The following ANKS1B variants were observed in gnomAD, a reference collection of about 807,000 sequenced individuals.
ANKS1B encodes ankyrin repeat and sterile alpha motif domain containing 1B.
ANKS1B carries 36 observed loss-of-function variants against 148.3 expected under a neutral mutation model. The ratio of observed to expected loss-of-function variants is 0.24; its 90% CI spans 0.19 to 0.32. ANKS1B has a LOEUF of 0.32. Among genes scored for constraint, ANKS1B ranks in the 10% least tolerant of loss-of-function variants. The probability of loss-of-function intolerance (pLI) is 1.00; values close to 1 mark genes in which losing one functional copy is unlikely to be tolerated. For synonymous variants in ANKS1B, 542 were observed against 560.8 expected (o/e 0.97, Z 0.47); for missense variants, 1,157 against 1,542.6 (o/e 0.75, Z 4.19).
intron 12 of ANKS1B, among the ~76,000 whole-genome samples, chr12:99,333,096 A>G (rs1258952531): frequency 6.6e-6 from 1 of 152,088 alleles, no homozygotes; most frequent in Non-Finnish European, 1.5e-5. Flanking sequence ...TGATTAGCCA[A>G]TTTGGCTGAA....
At chr12:98,804,486 C>T (rs1476688048) in intron 20 of ANKS1B, among the ~76,000 whole-genome samples, 1 of 148,176 alleles carries the variant, frequency 6.7e-6, no homozygotes, top group Non-Finnish European at 1.5e-5. Context: ...GTTAATTCTT[C>T]TTTTTGGAAT....
At chr12:99,063,482 C>T (rs985422791) in intron 16 of ANKS1B, among the ~76,000 whole-genome samples, 2 of 152,150 alleles carry the variant, frequency 1.3e-5, no homozygotes, top group African/African-American at 2.4e-5. Flanking sequence ...ATCAGTGGCT[C>T]TTAAAAGGCT....
intron 8 of ANKS1B, among the ~76,000 whole-genome samples, chr12:99,712,150 T>G (rs1276704557): frequency 1.3e-5 from 2 of 152,266 alleles, no homozygotes; most frequent in East Asian, 3.9e-4. Flanking sequence ...ATGATGAGAA[T>G]GCATGGACAC....
chr12:99,701,619 T>A (rs1415426659), intron 8 of ANKS1B, among the ~76,000 whole-genome samples: 2 of 152,142 alleles, frequency 1.3e-5, no homozygotes, highest in African/African-American at 4.8e-5. Context: ...TGCTATTAAA[T>A]ACTAGATCTT....
intron 12 of ANKS1B, among the ~76,000 whole-genome samples, chr12:99,361,984 T>C (rs574495763): frequency 7.4e-6 from 1 of 135,986 alleles, no homozygotes; most frequent in South Asian, 2.2e-4. Context: ...AAGCAAAACA[T>C]ATATGCCATG....
intron 16 of ANKS1B, among the ~76,000 whole-genome samples, chr12:99,071,190 T>C (rs1318926950): frequency 1.3e-5 from 2 of 152,254 alleles, no homozygotes; most frequent in East Asian, 3.8e-4. Flanking sequence ...TAAAATCTTC[T>C]TGAAGGCAGA....
At chr12:98,808,365 T>C (rs2099067136) in intron 19 of ANKS1B, among the ~76,000 whole-genome samples, 2 of 152,210 alleles carry the variant, frequency 1.3e-5, no homozygotes, top group Non-Finnish European at 2.9e-5. Context: ...TAAAATGACT[T>C]TTCCTGATTT....
chr12:99,299,912 C>A (rs1017971913), intron 12 of ANKS1B, among the ~76,000 whole-genome samples: 2 of 152,034 alleles, frequency 1.3e-5, no homozygotes, highest in Non-Finnish European at 2.9e-5. Context: ...TGGAAAGGAA[C>A]AATGAATGAT....
rs567337890 is a variant in ANKS1B, at chr12:98,971,379, C to T, written c.2778+81778G>A. Among the ~76,000 whole-genome samples the T allele has an allele frequency of 2.0e-5, 3 of 152,246 alleles. No homozygotes were observed. In the East Asian group the frequency reaches 5.8e-4, roughly 29 times the overall value. ...AACAAAGTATTTTTTAAAGTAACAA[C>T]AAAAGAGACAGATAACCACAAAGAA... On this transcript the variant is annotated intron_variant, in intron 17 of 26. Coordinates refer to ENST00000683438, the MANE Select transcript of ANKS1B (RefSeq NM_001352186.2).
At chr12:98,895,070 G>C (rs1414123353) in intron 17 of ANKS1B, 1 of 960,630 alleles carries the variant, frequency 1.0e-6, no homozygotes. Context: ...TTCCGCGGCT[G>C]CTGCCCGGGG....
At position 99,802,888 on chromosome 12, in the gene ANKS1B, G is replaced by T. The variant is rs115807684; in HGVS notation, c.669+3516C>A. 3.1e-3 allele frequency among the ~76,000 whole-genome samples: 470 copies of T among 149,850 alleles called. 2 individuals carry two copies. The highest frequency in any genetic ancestry group is 0.011 in the African/African-American group (456 of 40,494). The stretch of plus-strand genomic sequence containing the variant: ...GATTGCACCACTGCCCTCCAGCCTG[G>T]GTGGCAGAATAAGACCCTGCCTTTA... On this transcript the variant is annotated intron_variant, in intron 4 of 26. Coordinates refer to ENST00000683438, the MANE Select transcript of ANKS1B (RefSeq NM_001352186.2).
intron 16 of ANKS1B, among the ~76,000 whole-genome samples, chr12:99,061,019 C>A (rs1408116894): frequency 6.6e-6 from 1 of 152,170 alleles, no homozygotes; most frequent in Admixed American, 6.5e-5. Flanking sequence ...ATTAGACAGG[C>A]ATTTTTATGT....
At chr12:99,101,574 G>T (rs1244428875) in intron 15 of ANKS1B, among the ~76,000 whole-genome samples, 1 of 152,006 alleles carries the variant, frequency 6.6e-6, no homozygotes, top group Non-Finnish European at 1.5e-5. Context: ...TTTTGTTCTT[G>T]TTTTTGAGAC....
chr12:99,358,210 T>G (rs968488089), intron 12 of ANKS1B, among the ~76,000 whole-genome samples: 10 of 152,142 alleles, frequency 6.6e-5, no homozygotes, highest in African/African-American at 2.4e-4. Flanking sequence ...ATATTGATTA[T>G]TTTCTTTATA....
chr12:99,378,685 G>GA (rs1024333237), intron 12 of ANKS1B, among the ~76,000 whole-genome samples: 3 of 145,778 alleles, frequency 2.1e-5, no homozygotes, highest in African/African-American at 7.5e-5. Context: ...AAAAAGAAAA[G>GA]AAAAAGAGAC....
intron 19 of ANKS1B, among the ~76,000 whole-genome samples, chr12:98,816,018 C>A (rs939135415): frequency 6.6e-6 from 1 of 152,112 alleles, no homozygotes; most frequent in Non-Finnish European, 1.5e-5. Flanking sequence ...CCACACTGCT[C>A]TACCTCCCTA....
intron 9 of ANKS1B, among the ~76,000 whole-genome samples, chr12:99,594,649 A>T (rs2097738182): frequency 6.6e-6 from 1 of 152,070 alleles, no homozygotes; most frequent in South Asian, 2.1e-4. Context: ...TTCCACTTAA[A>T]TGTGAAATCT....
rs186963960 is a variant in ANKS1B at position 98,789,216 on chromosome 12, G to A, written c.3343-7079C>T. Among the ~76,000 whole-genome samples the A allele has an allele frequency of 3.0e-3, 449 of 152,192 alleles. 3 individuals are homozygous for A. The highest frequency in any genetic ancestry group is 0.01 in the African/African-American group (425 of 41,508). Reference sequence around the variant, plus strand: ...AAATTAGCTGGACGTGGTGACGGGCGCCTGTAATCCCAGCTACTCGGGAGG... The same window carrying A: ...AAATTAGCTGGACGTGGTGACGGGCACCTGTAATCCCAGCTACTCGGGAGG... On this transcript the variant is annotated intron_variant, in intron 22 of 26. Transcript: ENST00000683438.
intron 2 of ANKS1B, among the ~76,000 whole-genome samples, chr12:99,816,979 G>T (rs891959340): frequency 6.6e-6 from 1 of 151,526 alleles, no homozygotes; most frequent in African/African-American, 2.4e-5. Flanking sequence ...ACTAAATCAG[G>T]ATAATTGGGG....
Sources: gnomAD v4.1 joint callset for allele counts (sites outside exome capture counted in the v4.1 genomes callset) on GRCh38, gnomAD v4.1.1 for gene constraint, MANE v1.5 for transcripts, NCBI Gene and HGNC (gene_info 2026-07-23, HGNC 2026-07-21) for gene names.